Variants in XRCC1 observed in about 807,000 individuals in gnomAD.
The protein encoded by XRCC1 is DNA repair protein XRCC1.
XRCC1 carries 52 observed loss-of-function variants against 83.3 expected under a neutral mutation model. The ratio of observed to expected loss-of-function variants is 0.62; its 90% CI spans 0.50 to 0.79. The LOEUF is 0.79. XRCC1 is among the 30% of genes least tolerant of loss of function. The probability of loss-of-function intolerance (pLI) is 0.00; values close to 1 mark genes in which losing one functional copy is unlikely to be tolerated. For synonymous variants in XRCC1, 281 were observed against 312.6 expected (o/e 0.90, Z 1.07); for missense variants, 793 against 823.5 (o/e 0.96, Z 0.45).
At chr19:43,572,927 CTTTT>C (rs1015971628) in intron 2 of XRCC1, among the ~76,000 whole-genome samples, 2 of 91,150 alleles carry the variant, frequency 2.2e-5, no homozygotes, top group African/African-American at 8.9e-5. Context: ...GAGATCTTTT[CTTTT>C]TTTTTTTTTT....
chr19:43,561,088 A>T, intron 2 of XRCC1, 68 bp from the exon 3 acceptor site: 1 of 1,253,886 alleles, frequency 8.0e-7, no homozygotes, highest in Non-Finnish European at 1.2e-6. Flanking sequence ...GGACCTCAGG[A>T]TGAATCTCCT....
At position 43,574,968 on chromosome 19, in the gene XRCC1, G is replaced by A. The variant is rs567686495; in HGVS notation, c.86C>T (p.Thr29Ile). 37 of 1,614,188 alleles carry A rather than the reference G, an allele frequency of 2.3e-5. 1 individual carries two copies. The South Asian group carries it at 4.1e-4, about 18-fold the overall frequency. The change falls in exon 2 of 17, where the codon ACT becomes ATT. Residue 29 changes from threonine to isoleucine, a missense_variant. By Grantham distance (89) the Thr-to-Ile change is moderately conservative. Transcript: ENST00000262887. ...CTTGGCTGCCCGCCATTTTCGGTAA[G>A]TGTCTGCCTTGAGAAGATTTTCTGC... The part of the protein sequence containing the change: ...HCAENLLKAD[T>I]YRKWRAAKAG...
At chr19:43,570,000 T>C (rs1294077361) in intron 2 of XRCC1, among the ~76,000 whole-genome samples, 2 of 152,192 alleles carry the variant, frequency 1.3e-5, no homozygotes, top group East Asian at 3.8e-4. Flanking sequence ...AGGGAACTGC[T>C]GGGGGCTAGG....
At position 43,554,682 on chromosome 19, in the gene XRCC1, G is replaced by C; in HGVS notation, c.378C>G (p.Asp126Glu). ...GCTGGCTGCAAACAATTTTGACCCGGTCCCAGCGCTTCTCGGCGGCTGCCC... is the reference window on the plus strand; with the variant it reads ...GCTGGCTGCAAACAATTTTGACCCGCTCCCAGCGCTTCTCGGCGGCTGCCC... ...LVRAAAEKRW[D>E]RVKIVCSQPY... The change falls in exon 4 of 17, where the codon GAC becomes GAG. Residue 126 changes from aspartate (D) to glutamate (E), a missense_variant. Transcript: ENST00000262887. The C allele has an allele frequency of 6.2e-7, 1 of 1,613,666 alleles. No homozygotes were observed. The highest frequency in any genetic ancestry group is 8.5e-7 in the Non-Finnish European group (1 of 1,179,778).
Position 43,553,668 on chromosome 19 carries a change from A to C in XRCC1, c.430T>G (p.Leu144Val). 1.3e-6 allele frequency: 2 copies of C among 1,524,100 alleles called. No individual in the cohort carries two copies. Among genetic ancestry groups the C allele is most frequent in the East Asian group, 2.3e-5 (1 of 43,012 alleles). 94.4% of individuals were successfully genotyped at this position (1,524,100 alleles called of 1,614,324 possible). ...QPYSKDSPFGLSFVRFHSPPD... is the reference protein window; with the variant it reads ...QPYSKDSPFGVSFVRFHSPPD... The stretch of plus-strand genomic sequence containing the variant: ...GGGCTATGAAACCGTACAAAACTCA[A>C]GCCAAAGGGGGAGTCCTGGGAAAGG... Residue 144 changes from leucine to valine, a missense_variant, in exon 5 of 17, where the codon TTG (leucine) becomes GTG (valine). Coordinates refer to ENST00000262887, the MANE Select transcript of XRCC1 (RefSeq NM_006297.3).
chr19:43,543,926 C>A (rs1972482084), intron 15 of XRCC1, among the ~76,000 whole-genome samples: 1 of 152,108 alleles, frequency 6.6e-6, no homozygotes, highest in Non-Finnish European at 1.5e-5. Context: ...GGGATCCTCG[C>A]CATACAGAAG....
chr19:43,543,409 C>T lies in XRCC1; in HGVS notation c.1885G>A (p.Val629Met), dbSNP rs1972475156. ...CACATACTTCAGGCTTGCGGCACCA[C>T]CCCATAGAGCTGGTGAGGAAGTAAC... ...QKLLPHQLYG[V>M]VPQA is the part of the protein sequence containing the mutation. Residue 629 changes from valine to methionine, a missense_variant, in exon 17 of 17, where the codon GTG becomes ATG. Physicochemically the swap from Val to Met is conservative, Grantham distance 21. Transcript: ENST00000262887. The T allele has an allele frequency of 2.5e-6, 4 of 1,608,972 alleles. No homozygotes were observed. Among genetic ancestry groups the T allele is most frequent in the Non-Finnish European group, 3.4e-6 (4 of 1,179,414 alleles).
chr19:43,574,216 C>G (rs1972831929), intron 2 of XRCC1, among the ~76,000 whole-genome samples: 1 of 151,982 alleles, frequency 6.6e-6, no homozygotes, highest in Non-Finnish European at 1.5e-5. Flanking sequence ...GCTGGGATTG[C>G]AGGTGCACAC....
Position 43,571,898 on chromosome 19 carries a change from T to C in XRCC1, c.144+3012A>G, listed in dbSNP as rs138778993. ...CTAAATAAATGAGTGAATGAACAAA[T>C]AAATCCATCATCTACTCCCGAGTCT... On this transcript the variant is annotated intron_variant, in intron 2 of 16. Coordinates refer to ENST00000262887, the MANE Select transcript of XRCC1 (RefSeq NM_006297.3). Among the ~76,000 whole-genome samples the C allele has an allele frequency of 9.2e-5, 14 of 152,334 alleles. No individual in the cohort carries two copies. In the East Asian group the frequency reaches 2.5e-3, roughly 27 times the overall value.
chr19:43,544,382 G>A (rs530760692), intron 14 of XRCC1, 148 bp from the exon 15 acceptor site: 53 of 677,148 alleles, frequency 7.8e-5, no homozygotes, highest in African/African-American at 4.2e-4. Flanking sequence ...CCTGCCCAGC[G>A]GCCCATCAGA....
rs1209463363 is a variant in XRCC1 at position 43,553,650 on chromosome 19, G to T, written c.448C>A (p.His150Asn). ...SPFGLSFVRF[H>N]SPPDKDEAEA... is the part of the protein sequence containing the mutation. ...GCCTCATCTTTGTCTGGGGGGCTAT[G>T]AAACCGTACAAAACTCAAGCCAAAG... is the stretch of plus-strand genomic sequence containing the variant. The change falls in exon 5 of 17, where the codon CAT becomes AAT. Residue 150 changes from histidine to asparagine, a missense_variant. Coordinates refer to ENST00000262887, the MANE Select transcript of XRCC1 (RefSeq NM_006297.3). 6.4e-7 allele frequency: 1 copy of T among 1,562,360 alleles called. No homozygotes were observed. Among genetic ancestry groups the T allele is most frequent in the Non-Finnish European group, 8.7e-7 (1 of 1,150,436 alleles).
intron 16 of XRCC1, 27 bp from the exon 17 acceptor site, chr19:43,543,532 G>T: frequency 6.2e-7 from 1 of 1,613,514 alleles, no homozygotes; most frequent in Non-Finnish European, 8.5e-7. Context: ...AGTCCATACG[G>T]GAATGTGTCA....
intron 3 of XRCC1, among the ~76,000 whole-genome samples, chr19:43,556,125 T>C (rs929896574): frequency 6.6e-6 from 1 of 152,140 alleles, no homozygotes; most frequent in Non-Finnish European, 1.5e-5. Flanking sequence ...TGGCCTCAAA[T>C]GATCCTCTCA....
At chr19:43,573,807 A>G (rs778507354) in intron 2 of XRCC1, among the ~76,000 whole-genome samples, 3 of 152,106 alleles carry the variant, frequency 2.0e-5, no homozygotes, top group Non-Finnish European at 2.9e-5. Flanking sequence ...CCCAGGAGGT[A>G]GAGGCTGCAG....
intron 1 of XRCC1, 125 bp from the exon 2 acceptor site, chr19:43,575,127 A>C (rs1972843387): frequency 3.6e-6 from 3 of 828,052 alleles, no homozygotes; most frequent in African/African-American, 1.7e-5. Flanking sequence ...TCTCCCGTTA[A>C]TCCCCCGACA....
intron 10 of XRCC1, among the ~76,000 whole-genome samples, chr19:43,547,485 CT>C (rs71169260): frequency 0.22 from 30,222 of 139,890 alleles, 3,180 homozygotes; most frequent in Non-Finnish European, 0.25. Flanking sequence ...CTCCTGGCCG[CT>C]TTTTTTTTTT....
At chr19:43,565,306 T>C (rs531594726) in intron 2 of XRCC1, among the ~76,000 whole-genome samples, 12 of 152,214 alleles carry the variant, frequency 7.9e-5, no homozygotes, top group African/African-American at 1.9e-4. Context: ...CCACTTTAAA[T>C]AGAAGGGTCT....
chr19:43,574,342 A>G (rs1972833288), intron 2 of XRCC1, among the ~76,000 whole-genome samples: 1 of 151,860 alleles, frequency 6.6e-6, no homozygotes, highest in African/African-American at 2.4e-5. Context: ...TCCCAAAGTG[A>G]TGGGATTACA....
In XRCC1 at chr19:43,544,172, G is replaced by C; in HGVS notation, c.1684C>G (p.Leu562Val). Residue 562 changes from leucine to valine, a missense_variant, in exon 15 of 17, where the codon CTC (leucine) becomes GTC (valine). Transcript: ENST00000262887. The part of the protein sequence containing the change: ...GEFPGDERRK[L>V]IRYVTAFNGE... Reference sequence around the variant, plus strand: ...TTGAAGGCTGTGACGTATCGGATGAGTTTCCGCCGCTCGTCCCCAGGGAAC... The same window carrying C: ...TTGAAGGCTGTGACGTATCGGATGACTTTCCGCCGCTCGTCCCCAGGGAAC... 1 of 1,610,610 alleles carries C rather than the reference G, an allele frequency of 6.2e-7. No homozygotes were observed. Among genetic ancestry groups the C allele is most frequent in the Non-Finnish European group, 8.5e-7 (1 of 1,178,516 alleles).
Sources: allele counts gnomAD v4.1 joint callset (sites outside exome capture counted in the v4.1 genomes callset), GRCh38; gene constraint gnomAD v4.1.1; transcripts MANE v1.5; gene names NCBI Gene and HGNC (gene_info 2026-07-23, HGNC 2026-07-21).